HDAC4: variants seen among roughly 807,000 people sequenced by gnomAD.
The protein encoded by HDAC4 is histone deacetylase A.
In HDAC4, 16 loss-of-function variants were observed where a neutral mutation model predicts 135.1. The observed-to-expected ratio is 0.12, with a 90% confidence interval of 0.08 to 0.18. HDAC4 has a LOEUF of 0.18. HDAC4 is among the 10% of genes least tolerant of loss of function. The pLI is 1.00. For missense variants in HDAC4, 1,143 were observed against 1,511.8 expected (o/e 0.76, Z 4.05); for synonymous variants, 685 against 653.4 (o/e 1.05, Z -0.74).
chr2:239,288,743 C>G (rs1248316643), intron 2 of HDAC4, among the ~76,000 whole-genome samples: 2 of 151,682 alleles, frequency 1.3e-5, no homozygotes, highest in Non-Finnish European at 2.9e-5. Flanking sequence ...TCTAACTTGA[C>G]ACGTACAAGA....
At chr2:239,304,720 G>A (rs558396604) in intron 2 of HDAC4, among the ~76,000 whole-genome samples, 6 of 152,188 alleles carry the variant, frequency 3.9e-5, no homozygotes, top group Non-Finnish European at 5.9e-5. Context: ...TGTGCCCAGC[G>A]TGCAGACTCC....
At chr2:239,247,332 C>T (rs986997889) in intron 2 of HDAC4, among the ~76,000 whole-genome samples, 2 of 152,220 alleles carry the variant, frequency 1.3e-5, no homozygotes, top group African/African-American at 2.4e-5. Flanking sequence ...TCCACCTGGA[C>T]GTAGAACCCG....
intron 1 of HDAC4, among the ~76,000 whole-genome samples, chr2:239,356,416 G>A (rs1415447081): frequency 2.0e-5 from 3 of 152,156 alleles, no homozygotes; most frequent in Non-Finnish European, 4.4e-5. Context: ...GAGGAATCGT[G>A]TGAGGAGGGA....
intron 3 of HDAC4, among the ~76,000 whole-genome samples, chr2:239,195,243 G>T (rs1005865339): frequency 3.3e-4 from 51 of 152,258 alleles, no homozygotes; most frequent in African/African-American, 1.2e-3. Flanking sequence ...ATCTGCTAAA[G>T]TAAGCTAAGA....
At position 239,185,454 on chromosome 2, in the gene HDAC4, C is replaced by T. The variant is rs370217481; in HGVS notation, c.339+4379G>A. 2.9e-4 allele frequency among the ~76,000 whole-genome samples: 44 copies of T among 149,656 alleles called. No individual in the cohort carries two copies. The South Asian group carries it at 8.9e-3, about 30-fold the overall frequency. Reference sequence around the variant, plus strand: ...AAAGGTGTGCCCTGTGGGGGTGTCCCGTGCCTCCTGGGGAGAGATGCACCC... The same window carrying T: ...AAAGGTGTGCCCTGTGGGGGTGTCCTGTGCCTCCTGGGGAGAGATGCACCC... On this transcript the variant is annotated intron_variant, in intron 4 of 26. Coordinates refer to ENST00000543185, the MANE Select transcript of HDAC4 (RefSeq NM_001378414.1).
At chr2:239,386,957 G>A (rs1489343915) in intron 1 of HDAC4, among the ~76,000 whole-genome samples, 1 of 152,244 alleles carries the variant, frequency 6.6e-6, no homozygotes, top group Non-Finnish European at 1.5e-5. Flanking sequence ...TGGCTGTTCT[G>A]GGTTCACCAG....
At chr2:239,162,565 C>T (rs751929340) in intron 6 of HDAC4, among the ~76,000 whole-genome samples, 16 of 152,222 alleles carry the variant, frequency 1.1e-4, no homozygotes, top group East Asian at 3.9e-4. Flanking sequence ...CGGTTGCCAG[C>T]GATTCTCAGG....
chr2:239,263,495 C>A (rs1357101151), intron 2 of HDAC4, among the ~76,000 whole-genome samples: 1 of 152,166 alleles, frequency 6.6e-6, no homozygotes, highest in Non-Finnish European at 1.5e-5. Context: ...CCACCAGGAA[C>A]CCCCAGGCAG....
intron 2 of HDAC4, among the ~76,000 whole-genome samples, chr2:239,243,263 C>T (rs910869655): frequency 1.3e-5 from 2 of 152,024 alleles, no homozygotes; most frequent in Admixed American, 1.3e-4. Context: ...CGCCATTCTC[C>T]TGCCTCAGCC....
chr2:239,319,119 A>G (rs2053216185), intron 2 of HDAC4, among the ~76,000 whole-genome samples: 1 of 152,240 alleles, frequency 6.6e-6, no homozygotes, highest in South Asian at 2.1e-4. Flanking sequence ...AGGAATTTCT[A>G]AAGGATATTA....
intron 12 of HDAC4, among the ~76,000 whole-genome samples, chr2:239,117,587 A>G (rs1043650164): frequency 1.5e-5 from 2 of 135,484 alleles, no homozygotes; most frequent in Admixed American, 1.5e-4. Flanking sequence ...AAAAAAAAAA[A>G]GCTCAGGAGA....
intron 11 of HDAC4, among the ~76,000 whole-genome samples, chr2:239,130,556 G>A (rs1266860236): frequency 7.3e-6 from 1 of 136,184 alleles, no homozygotes; most frequent in Admixed American, 7.7e-5. Flanking sequence ...CTGTCCTTAA[G>A]ACGCTGGTGG....
At chr2:239,378,646 G>A (rs555655819) in intron 1 of HDAC4, among the ~76,000 whole-genome samples, 12 of 151,988 alleles carry the variant, frequency 7.9e-5, no homozygotes, top group East Asian at 7.7e-4. Flanking sequence ...CAAGAACCCC[G>A]GGAACCAATG....
intron 2 of HDAC4, among the ~76,000 whole-genome samples, chr2:239,251,389 T>C (rs905154654): frequency 1.3e-5 from 2 of 151,990 alleles, no homozygotes; most frequent in Admixed American, 6.5e-5. Flanking sequence ...AGGTCAGGAA[T>C]TCAAGACCAG....
intron 18 of HDAC4, among the ~76,000 whole-genome samples, chr2:239,088,051 G>A (rs1031050818): frequency 5.9e-5 from 9 of 152,222 alleles, no homozygotes; most frequent in African/African-American, 9.6e-5. Flanking sequence ...GGGCAGAGAC[G>A]TTGTGTCCCA....
At chr2:239,193,043 A>T (rs1467286141) in intron 3 of HDAC4, among the ~76,000 whole-genome samples, 1 of 152,244 alleles carries the variant, frequency 6.6e-6, no homozygotes, top group African/African-American at 2.4e-5. Flanking sequence ...AAATAAGCAC[A>T]GGGAATAAGT....
chr2:239,161,171 G>A (rs886488507), intron 6 of HDAC4, among the ~76,000 whole-genome samples: 1 of 152,178 alleles, frequency 6.6e-6, no homozygotes, highest in Non-Finnish European at 1.5e-5. Flanking sequence ...ATAGGAACGA[G>A]CTCTACATTT....
chr2:239,190,934 G>A (rs932582651), intron 3 of HDAC4: 2 of 466,412 alleles, frequency 4.3e-6, no homozygotes, highest in Non-Finnish European at 8.8e-6. Context: ...CCCCTTTTAC[G>A]GCAGGTCCCT....
intron 12 of HDAC4, among the ~76,000 whole-genome samples, chr2:239,121,065 G>A (rs1326773083): frequency 6.7e-6 from 1 of 149,068 alleles, no homozygotes; most frequent in Non-Finnish European, 1.5e-5. Flanking sequence ...TCATGCATTA[G>A]GCAGTCCTCC....
Sources: gnomAD v4.1 joint callset for allele counts (sites outside exome capture counted in the v4.1 genomes callset) on GRCh38, gnomAD v4.1.1 for gene constraint, MANE v1.5 for transcripts, NCBI Gene and HGNC (gene_info 2026-07-23, HGNC 2026-07-21) for gene names.